DTNB: variants seen among roughly 807,000 people sequenced by gnomAD.
DTNB encodes dystrobrevin beta.
A neutral mutation model predicts 90.7 loss-of-function variants in DTNB; 63 were observed. That is an observed-to-expected ratio of 0.69 (90% CI 0.57 to 0.86). The LOEUF is 0.86. DTNB is among the 40% of genes least tolerant of loss of function. The pLI, the probability that DTNB is intolerant of heterozygous loss-of-function variation, is 0.00. For missense variants in DTNB, 744 were observed against 807.1 expected (o/e 0.92, Z 0.95); for synonymous variants, 277 against 286.7 (o/e 0.97, Z 0.34).
Position 25,386,773 on chromosome 2 carries a change from C to G in DTNB, c.1825+516G>C, listed in dbSNP as rs2039584703. ...CAAGGAGCAGAAGAGGCGACAGACT[C>G]AGGTCATGAACTTCAGGTGAAATCA... On this transcript the variant is annotated intron_variant, in intron 18 of 20. Transcript: ENST00000406818. Among the ~76,000 whole-genome samples, 4 of 152,200 alleles carry G rather than the reference C, an allele frequency of 2.6e-5. No homozygotes were observed. In the South Asian group the frequency reaches 8.3e-4, roughly 32 times the overall value.
chr2:25,584,996 T>A (rs1409448712), intron 6 of DTNB, among the ~76,000 whole-genome samples: 4 of 152,200 alleles, frequency 2.6e-5, no homozygotes, highest in Admixed American at 1.3e-4. Context: ...AGGCTTCCCA[T>A]CTCTAAAATT....
chr2:25,384,444 G>A (rs114502131), intron 18 of DTNB, among the ~76,000 whole-genome samples: 3 of 152,310 alleles, frequency 2.0e-5, no homozygotes, highest in African/African-American at 4.8e-5. Context: ...CTTGTGCTCT[G>A]CAGGGACAAG....
intron 5 of DTNB, among the ~76,000 whole-genome samples, chr2:25,605,372 T>C (rs1315413641): frequency 3.9e-5 from 6 of 152,196 alleles, no homozygotes; most frequent in Admixed American, 1.3e-4. Flanking sequence ...CCGTGGGCTT[T>C]TGCACCACTT....
chr2:25,379,515 A>G (rs779712885), intron 19 of DTNB, 192 bp from the exon 20 acceptor site: 14 of 559,448 alleles, frequency 2.5e-5, no homozygotes, highest in Non-Finnish European at 3.8e-5. Flanking sequence ...ACTGTAGCCA[A>G]CCCGAGGCAG....
In DTNB at chr2:25,512,634, G is replaced by A. The variant is rs577961357; in HGVS notation, c.1001+18839C>T. 2.0e-5 allele frequency among the ~76,000 whole-genome samples: 3 copies of A among 152,320 alleles called. No homozygotes were observed. In the South Asian group the frequency reaches 6.2e-4, roughly 32 times the overall value. On this transcript the variant is annotated intron_variant, in intron 9 of 20. Transcript: ENST00000406818. The stretch of plus-strand genomic sequence containing the variant: ...TCAAGGAATTTAGGAATGCAAAGAA[G>A]AGATCCATATGAGTTAGCTACTTGG...
At chr2:25,524,157 T>A (rs2076671701) in intron 9 of DTNB, among the ~76,000 whole-genome samples, 1 of 152,076 alleles carries the variant, frequency 6.6e-6, no homozygotes, top group South Asian at 2.1e-4. Context: ...TGCCTCAGCC[T>A]CCCAAAGTGC....
intron 1 of DTNB, among the ~76,000 whole-genome samples, chr2:25,658,078 G>A (rs189330547): frequency 8.7e-4 from 132 of 152,016 alleles, no homozygotes; most frequent in African/African-American, 2.8e-3. Context: ...CTAACATGGC[G>A]AAACCCTGTC....
At chr2:25,655,043 T>C (rs560214440) in intron 1 of DTNB, among the ~76,000 whole-genome samples, 6 of 152,374 alleles carry the variant, frequency 3.9e-5, no homozygotes, top group African/African-American at 1.4e-4. Flanking sequence ...CAGCAGACCC[T>C]GCCTTCATTC....
intron 3 of DTNB, among the ~76,000 whole-genome samples, chr2:25,629,168 C>T (rs964294298): frequency 8.6e-5 from 13 of 151,960 alleles, no homozygotes; most frequent in African/African-American, 3.1e-4. Context: ...CAGAAGACTG[C>T]AAAATAATTT....
intron 5 of DTNB, among the ~76,000 whole-genome samples, chr2:25,602,724 T>C (rs1230398998): frequency 6.6e-6 from 1 of 152,148 alleles, no homozygotes; most frequent in Non-Finnish European, 1.5e-5. Flanking sequence ...ATATAAATTA[T>C]TATTATAAAA....
intron 4 of DTNB, among the ~76,000 whole-genome samples, chr2:25,612,100 T>C (rs1486756936): frequency 6.6e-6 from 1 of 152,196 alleles, no homozygotes; most frequent in Non-Finnish European, 1.5e-5. Context: ...TGAATGTGCA[T>C]ATTCATAGTC....
chr2:25,572,079 G>T (rs1373032046), intron 8 of DTNB, among the ~76,000 whole-genome samples: 1 of 152,136 alleles, frequency 6.6e-6, no homozygotes, highest in African/African-American at 2.4e-5. Flanking sequence ...GTCCAATTCA[G>T]TCGGTGCATC....
intron 9 of DTNB, among the ~76,000 whole-genome samples, chr2:25,512,733 G>A (rs146775333): frequency 6.6e-6 from 1 of 152,328 alleles, no homozygotes; most frequent in Non-Finnish European, 1.5e-5. Flanking sequence ...CTGTAAATCT[G>A]AAAGAGACAA....
At chr2:25,539,706 T>C (rs945305144) in intron 8 of DTNB, among the ~76,000 whole-genome samples, 1 of 152,144 alleles carries the variant, frequency 6.6e-6, no homozygotes, top group Non-Finnish European at 1.5e-5. Flanking sequence ...ATGTTTTTGA[T>C]GAACATCTTT....
intron 6 of DTNB, among the ~76,000 whole-genome samples, chr2:25,582,067 C>A (rs1340637902): frequency 6.6e-6 from 1 of 152,074 alleles, no homozygotes; most frequent in Non-Finnish European, 1.5e-5. Flanking sequence ...TAGGTGTTTC[C>A]CCATAAAATG....
chr2:25,596,361 T>A (rs2064637057), intron 5 of DTNB, 121 bp from the exon 6 acceptor site: 2 of 1,173,730 alleles, frequency 1.7e-6, no homozygotes, highest in Non-Finnish European at 2.3e-6. Context: ...AAAATTATTG[T>A]GACTTTTAGT....
chr2:25,457,547 T>C (rs572695948), intron 10 of DTNB, among the ~76,000 whole-genome samples: 2 of 152,336 alleles, frequency 1.3e-5, no homozygotes, highest in African/African-American at 4.8e-5. Context: ...CGTTCCATTT[T>C]CTTCTGGCTT....
intron 6 of DTNB, among the ~76,000 whole-genome samples, chr2:25,592,046 G>C (rs2063666372): frequency 7.6e-6 from 1 of 131,718 alleles, no homozygotes. Flanking sequence ...GGGTGATAGA[G>C]TGAGACTCCA....
chr2:25,407,968 G>C (rs2045641588), intron 16 of DTNB, among the ~76,000 whole-genome samples: 1 of 152,130 alleles, frequency 6.6e-6, no homozygotes, highest in Non-Finnish European at 1.5e-5. Flanking sequence ...GGGCACGGTA[G>C]CAACACTTTG....
Sources: gnomAD v4.1 joint callset for allele counts (sites outside exome capture counted in the v4.1 genomes callset) on GRCh38, gnomAD v4.1.1 for gene constraint, MANE v1.5 for transcripts, NCBI Gene and HGNC (gene_info 2026-07-23, HGNC 2026-07-21) for gene names.